Variants in TSHZ2 observed in about 807,000 individuals in gnomAD.
TSHZ2 encodes the protein teashirt homolog 2.
In TSHZ2, 21 loss-of-function variants were observed where a neutral mutation model predicts 74.4. The ratio of observed to expected loss-of-function variants is 0.28; its 90% confidence interval spans 0.20 to 0.41. The LOEUF is 0.41. Ranked by LOEUF, TSHZ2 falls within the 10% of genes least tolerant of loss-of-function variation. The pLI is 1.00. For missense variants in TSHZ2, 1,244 were observed against 1,293.5 expected (o/e 0.96, Z 0.59); for synonymous variants, 540 against 515.3 (o/e 1.05, Z -0.65).
chr20:53,392,773 C>A (rs1360449410), intron 2 of TSHZ2, among the ~76,000 whole-genome samples: 3 of 152,058 alleles, frequency 2.0e-5, no homozygotes, highest in African/African-American at 7.2e-5. Context: ...AATTGTGTGT[C>A]TTGGGTTTTG....
At chr20:53,284,005 G>T (rs1292032547) in intron 2 of TSHZ2, among the ~76,000 whole-genome samples, 1 of 152,214 alleles carries the variant, frequency 6.6e-6, no homozygotes, top group South Asian at 2.1e-4. Context: ...GAAAGAAGGT[G>T]GCAGAAGGAA....
At chr20:53,063,299 A>G (rs184321963) in intron 1 of TSHZ2, among the ~76,000 whole-genome samples, 18 of 152,328 alleles carry the variant, frequency 1.2e-4, no homozygotes, top group Admixed American at 1.2e-3. Flanking sequence ...TAAACCAAGC[A>G]TGCCTGTATA....
At position 53,066,990 on chromosome 20, in the gene TSHZ2, T is replaced by C. The variant is rs375694102; in HGVS notation, c.40+93657T>C. On this transcript the variant is annotated intron_variant, in intron 1 of 2. Transcript: ENST00000371497. Reference sequence around the variant, plus strand: ...GGACCAGCTCCTCACATTTCAAAAATATTATCCACCAACAATGTTTAGAAC... The same window carrying C: ...GGACCAGCTCCTCACATTTCAAAAACATTATCCACCAACAATGTTTAGAAC... Among the ~76,000 whole-genome samples the C allele has an allele frequency of 1.1e-3, 173 of 152,276 alleles. 2 individuals are homozygous for C. Among genetic ancestry groups the C allele is most frequent in the South Asian group, 4.4e-3 (21 of 4,826 alleles).
chr20:53,012,272 C>T (rs890558584), intron 1 of TSHZ2, among the ~76,000 whole-genome samples: 4 of 152,122 alleles, frequency 2.6e-5, no homozygotes, highest in East Asian at 3.9e-4. Context: ...TATCACCTTC[C>T]GTTCTTGTTT....
At chr20:53,417,024 T>C (rs1983277384) in intron 2 of TSHZ2, among the ~76,000 whole-genome samples, 1 of 152,210 alleles carries the variant, frequency 6.6e-6, no homozygotes, top group South Asian at 2.1e-4. Context: ...ACTTGTTCTC[T>C]TGTGGGAGGC....
intron 1 of TSHZ2, among the ~76,000 whole-genome samples, chr20:53,121,913 A>G (rs1329912608): frequency 6.6e-6 from 1 of 152,162 alleles, no homozygotes; most frequent in Non-Finnish European, 1.5e-5. Flanking sequence ...CTATTGATAG[A>G]TGTTGCTTAA....
intron 2 of TSHZ2, among the ~76,000 whole-genome samples, chr20:53,352,504 G>A (rs779169007): frequency 4.7e-4 from 72 of 152,078 alleles, no homozygotes; most frequent in Non-Finnish European, 9.6e-4. Flanking sequence ...GGAAGTCTGG[G>A]GGCGGTGGCT....
intron 2 of TSHZ2, among the ~76,000 whole-genome samples, chr20:53,410,614 T>TATTATTATTATC (rs1568905438): frequency 6.7e-6 from 1 of 148,200 alleles, no homozygotes; most frequent in Non-Finnish European, 1.5e-5. Context: ...TTATTATTAT[T>TATTATTATTATC]ATTATTATTA....
At chr20:53,246,550 C>T (rs956741199) in intron 1 of TSHZ2, among the ~76,000 whole-genome samples, 1 of 152,160 alleles carries the variant, frequency 6.6e-6, no homozygotes, top group Non-Finnish European at 1.5e-5. Context: ...TCTCCAAAAC[C>T]TCAGCATCCA....
At chr20:53,197,319 AAAAATTTTGATTCTCAACGTGC>A in intron 1 of TSHZ2, among the ~76,000 whole-genome samples, 1 of 152,344 alleles carries the variant, frequency 6.6e-6, no homozygotes, top group South Asian at 2.1e-4. Flanking sequence ...TAATTTTTAA[AAAAATTTTGATTCTCAACGTGC>A]AGTTTTGGGT....
chr20:53,290,560 C>A (rs758027346), intron 2 of TSHZ2, among the ~76,000 whole-genome samples: 1 of 152,030 alleles, frequency 6.6e-6, no homozygotes, highest in Non-Finnish European at 1.5e-5. Flanking sequence ...AACAATGTCC[C>A]CCATATTTTT....
At chr20:53,310,205 A>AAACAGAAGT (rs1978721009) in intron 2 of TSHZ2, among the ~76,000 whole-genome samples, 2 of 152,252 alleles carry the variant, frequency 1.3e-5, no homozygotes, top group Non-Finnish European at 2.9e-5. Context: ...GAAAATGAAG[A>AAACAGAAGT]AACAGAAGTT....
At chr20:53,340,674 C>T (rs1460293256) in intron 2 of TSHZ2, among the ~76,000 whole-genome samples, 1 of 152,224 alleles carries the variant, frequency 6.6e-6, no homozygotes, top group African/African-American at 2.4e-5. Context: ...CACTTAGATT[C>T]TGTCTCTTCC....
chr20:53,041,300 C>T (rs1485717892), intron 1 of TSHZ2, among the ~76,000 whole-genome samples: 1 of 152,208 alleles, frequency 6.6e-6, no homozygotes, highest in African/African-American at 2.4e-5. Flanking sequence ...CTTCTGGAAA[C>T]TTCTATTCTC....
intron 1 of TSHZ2, among the ~76,000 whole-genome samples, chr20:53,088,878 G>A (rs1985781456): frequency 6.6e-6 from 1 of 152,118 alleles, no homozygotes; most frequent in East Asian, 1.9e-4. Context: ...CTCTGTTTGT[G>A]AAATGTTGCT....
At chr20:53,044,180 C>CAA (rs1984144692) in intron 1 of TSHZ2, among the ~76,000 whole-genome samples, 1 of 152,190 alleles carries the variant, frequency 6.6e-6, no homozygotes, top group Non-Finnish European at 1.5e-5. Context: ...AAGAGCATCC[C>CAA]TAATTCACAT....
chr20:53,157,789 G>A (rs996992851), intron 1 of TSHZ2, among the ~76,000 whole-genome samples: 3 of 152,088 alleles, frequency 2.0e-5, no homozygotes, highest in Non-Finnish European at 4.4e-5. Context: ...TGTTCTTCAT[G>A]TATTTATTTA....
chr20:53,461,802 G>A (rs529291406), intron 2 of TSHZ2, among the ~76,000 whole-genome samples: 1 of 152,248 alleles, frequency 6.6e-6, no homozygotes, highest in Non-Finnish European at 1.5e-5. Context: ...TTACTTCATG[G>A]TTACCAGGAA....
rs148249882 is a variant in TSHZ2 at position 53,489,028 on chromosome 20, A to G, written c.*1893A>G. ...AAGTAATGAGGCATGGACAGAAAAT[A>G]TACCCCTCACATCATCGGATTGAGA... On this transcript the variant is annotated 3_prime_UTR_variant, in exon 3 of 3. Coordinates refer to ENST00000371497, the MANE Select transcript of TSHZ2 (RefSeq NM_173485.6). The G allele has an allele frequency of 4.7e-4, 215 of 456,192 alleles. 1 individual carries two copies. The highest frequency in any genetic ancestry group is 1.5e-3 in the Admixed American group (65 of 42,552). The allele number at this position is 456,192 out of a possible 1,614,324, so 28.3% of individuals were successfully genotyped here. A position where few individuals can be genotyped will look rare whatever the true frequency, so the allele number is the denominator to read the frequency against.
Sources: allele counts gnomAD v4.1 joint callset (sites outside exome capture counted in the v4.1 genomes callset), GRCh38; gene constraint gnomAD v4.1.1; transcripts MANE v1.5; gene names NCBI Gene and HGNC (gene_info 2026-07-23, HGNC 2026-07-21).